LDAH: variants seen among roughly 807,000 people sequenced by gnomAD.
The protein encoded by LDAH is lipid droplet associated hydrolase.
LDAH carries 26 observed loss-of-function variants against 29.6 expected under a neutral mutation model. The observed-to-expected ratio is 0.88, with a 90% CI of 0.64 to 1.22. LDAH has a LOEUF of 1.22. Among genes scored for constraint, LDAH ranks in the 50% most tolerant of loss-of-function variants. LDAH has a pLI of 0.00. For missense variants in LDAH, 344 were observed against 387.3 expected (o/e 0.89, Z 0.94); for synonymous variants, 117 against 133.0 (o/e 0.88, Z 0.83).
At position 20,698,926 on chromosome 2, in the gene LDAH, G is replaced by T. The variant is rs966771256; in HGVS notation, c.786+2644C>A. Among the ~76,000 whole-genome samples the T allele has an allele frequency of 3.9e-5, 6 of 152,126 alleles. No homozygotes were observed. Among genetic ancestry groups the T allele is most frequent in the Non-Finnish European group, 7.3e-5 (5 of 68,036 alleles). On this transcript the variant is annotated intron_variant, in intron 6 of 6. Coordinates refer to ENST00000237822, the MANE Select transcript of LDAH (RefSeq NM_021925.4). This position sits in a 1 kb window ranked among gnomAD's most constrained non-coding sequence, Gnocchi z 4.4. ...CAAGCATATAAAAAGCTCTCTTCTT[G>T]TGTCAAATGGAAATCCAGTGGTAGA...
intron 2 of LDAH, among the ~76,000 whole-genome samples, chr2:20,796,575 T>C (rs1000940209): frequency 6.6e-6 from 1 of 152,202 alleles, no homozygotes; most frequent in East Asian, 1.9e-4. Flanking sequence ...TAATTCATTA[T>C]TATGATGAAA....
chr2:20,818,652 C>A (rs995851135), intron 1 of LDAH, among the ~76,000 whole-genome samples: 2 of 151,564 alleles, frequency 1.3e-5, no homozygotes, highest in African/African-American at 4.8e-5. Context: ...ATTAATAGAA[C>A]AAGAAATTGA....
chr2:20,684,976 G>A lies in LDAH; in HGVS notation c.*1927C>T. 1 of 1,547,182 alleles carries A rather than the reference G, an allele frequency of 6.5e-7. No homozygotes were observed. Among genetic ancestry groups the A allele is most frequent in the South Asian group, 1.2e-5 (1 of 83,224 alleles). ...CTTTTCACTTTAAAAGAGAGACTTT[G>A]AGCCGAGTCTAACTCAGGAGAACTG... is the stretch of plus-strand genomic sequence containing the variant. On this transcript the variant is annotated 3_prime_UTR_variant, in exon 7 of 7. Coordinates refer to ENST00000237822, the MANE Select transcript of LDAH (RefSeq NM_021925.4).
intron 3 of LDAH, among the ~76,000 whole-genome samples, chr2:20,789,774 A>C (rs597781): frequency 6.6e-6 from 1 of 152,024 alleles, no homozygotes; most frequent in African/African-American, 2.4e-5. Flanking sequence ...AGCGGCAGCA[A>C]TGGATTCTCA....
At chr2:20,771,724 T>A (rs1206555310) in intron 4 of LDAH, among the ~76,000 whole-genome samples, 1 of 152,150 alleles carries the variant, frequency 6.6e-6, no homozygotes, top group Non-Finnish European at 1.5e-5. Context: ...ATACAGATGT[T>A]CACTGCCCCT....
chr2:20,732,606 T>C (rs531586673), intron 5 of LDAH, among the ~76,000 whole-genome samples: 3 of 152,342 alleles, frequency 2.0e-5, no homozygotes, highest in Admixed American at 6.5e-5. Context: ...CTTGGATGAA[T>C]TGTGGTAGTG....
At chr2:20,805,341 C>T (rs906803024) in intron 1 of LDAH, among the ~76,000 whole-genome samples, 1 of 152,158 alleles carries the variant, frequency 6.6e-6, no homozygotes, top group African/African-American at 2.4e-5. Flanking sequence ...GCACCTAATT[C>T]CATGTATTTA....
chr2:20,789,461 TG>T, intron 3 of LDAH: 1 of 1,411,930 alleles, frequency 7.1e-7, no homozygotes, highest in African/African-American at 1.4e-5. Context: ...ACTTAGTCTA[TG>T]GTATTTTGCT....
In LDAH at chr2:20,686,711, A is replaced by G. The variant is rs1662582712; in HGVS notation, c.*192T>C. The G allele has an allele frequency of 4.3e-6, 2 of 468,388 alleles. No individual in the cohort carries two copies. The highest frequency in any genetic ancestry group is 7.6e-6 in the Non-Finnish European group (2 of 262,504). The allele number at this position is 468,388 out of a possible 1,614,324, so 29.0% of individuals were successfully genotyped here. A position where few individuals can be genotyped will look rare whatever the true frequency, so the allele number is the denominator to read the frequency against. ...TGAGTCTTGGAAAATGTATGGTTAA[A>G]CCTATGGAATGATTCATCAACTGTG... On this transcript the variant is annotated 3_prime_UTR_variant, in exon 7 of 7. Coordinates refer to ENST00000237822, the MANE Select transcript of LDAH (RefSeq NM_021925.4).
intron 1 of LDAH, among the ~76,000 whole-genome samples, chr2:20,816,080 T>A (rs1039437152): frequency 1.3e-5 from 2 of 152,090 alleles, no homozygotes; most frequent in Non-Finnish European, 2.9e-5. Context: ...TGATAAGTTG[T>A]TACATCTATT....
chr2:20,701,411 C>T (rs1473003252), intron 6 of LDAH, among the ~76,000 whole-genome samples, 159 bp downstream of exon 6: 1 of 152,184 alleles, frequency 6.6e-6, no homozygotes. Flanking sequence ...ACTCTCTACA[C>T]AACTTTCAGG....
intron 6 of LDAH, among the ~76,000 whole-genome samples, chr2:20,688,884 G>C (rs931060276): frequency 8.5e-5 from 12 of 141,232 alleles, no homozygotes; most frequent in Non-Finnish European, 1.7e-4. Context: ...GACATGTGCA[G>C]AGTGTGCAGG....
At chr2:20,712,031 T>G (rs993621125) in intron 5 of LDAH, among the ~76,000 whole-genome samples, 3 of 152,246 alleles carry the variant, frequency 2.0e-5, no homozygotes, top group Non-Finnish European at 4.4e-5. Context: ...AAGACAGCAG[T>G]GGTTCTCCCA....
At chr2:20,709,693 A>G (rs913541786) in intron 5 of LDAH, among the ~76,000 whole-genome samples, 1 of 152,226 alleles carries the variant, frequency 6.6e-6, no homozygotes, top group Non-Finnish European at 1.5e-5. Context: ...AAAAACTTGT[A>G]CATGAGTGTT....
At chr2:20,734,926 A>C (rs1441918305) in intron 5 of LDAH, among the ~76,000 whole-genome samples, 1 of 152,128 alleles carries the variant, frequency 6.6e-6, no homozygotes, top group East Asian at 1.9e-4. Context: ...ATTAATAGTT[A>C]TTTTCATTTT....
chr2:20,782,422 T>A (rs1353251411), intron 3 of LDAH, among the ~76,000 whole-genome samples: 1 of 152,230 alleles, frequency 6.6e-6, no homozygotes, highest in Non-Finnish European at 1.5e-5. Flanking sequence ...TGATGTTGAA[T>A]TCAGTTTGCT....
chr2:20,696,711 C>A (rs952237919), intron 6 of LDAH, among the ~76,000 whole-genome samples: 2 of 152,136 alleles, frequency 1.3e-5, no homozygotes, highest in African/African-American at 2.4e-5. Context: ...AGAACAGTGA[C>A]AGAACAAGGG....
chr2:20,802,600 A>T (rs1004659746), intron 1 of LDAH, among the ~76,000 whole-genome samples: 1 of 151,686 alleles, frequency 6.6e-6, no homozygotes, highest in African/African-American at 2.4e-5. Context: ...TCTTCCACTC[A>T]CTCAAAGCAC....
intron 4 of LDAH, among the ~76,000 whole-genome samples, chr2:20,751,716 G>C (rs902611662): frequency 6.6e-6 from 1 of 152,166 alleles, no homozygotes; most frequent in African/African-American, 2.4e-5. Context: ...CAGATATTAG[G>C]TAAAGCCTCT....
Sources: allele counts gnomAD v4.1 joint callset (sites outside exome capture counted in the v4.1 genomes callset), GRCh38; gene constraint gnomAD v4.1.1; non-coding constraint Gnocchi (gnomAD v3.1); transcripts MANE v1.5; gene names NCBI Gene and HGNC (gene_info 2026-07-23, HGNC 2026-07-21).